Variants in ST18 observed in about 807,000 individuals in gnomAD.
The protein encoded by ST18 is suppression of tumorigenicity 18 protein.
ST18 carries 50 observed loss-of-function variants against 110.0 expected under a neutral mutation model. That is an observed-to-expected ratio of 0.45 (90% CI 0.36 to 0.58). ST18 has a LOEUF of 0.58. Ranked by LOEUF, ST18 falls within the 20% of genes least tolerant of loss-of-function variation. The probability of loss-of-function intolerance (pLI) is 0.00; values close to 1 mark genes in which losing one functional copy is unlikely to be tolerated. For missense variants in ST18, 1,306 were observed against 1,280.1 expected, an observed-to-expected ratio of 1.02 and a Z score of -0.31; for synonymous variants, 461 against 452.4, an observed-to-expected ratio of 1.02 and a Z score of -0.24.
In ST18 at chr8:52,192,035, A is replaced by C. The variant is rs149339301; in HGVS notation, c.87-11723T>G. On this transcript the variant is annotated intron_variant, in intron 8 of 25. Transcript: ENST00000689386. ...ACAACCTGGCCAGGTGGAGTTGTCT[A>C]GTCTGTTTTCAAGCTTCCCAGGGCT... Among the ~76,000 whole-genome samples, 1,101 of 152,254 alleles carry C rather than the reference A, an allele frequency of 7.2e-3. 11 individuals are homozygous for C. The highest frequency in any genetic ancestry group is 0.024 in the Middle Eastern group (7 of 294).
rs764111808 is a variant in ST18 at position 52,118,334 on chromosome 8, T to A, written c.2859+4A>T. The A allele has an allele frequency of 1.9e-6, 3 of 1,580,900 alleles. No individual in the cohort carries two copies. In the South Asian group the frequency reaches 3.5e-5, roughly 18 times the overall value. ...AAGGATCATGAATTACTTCTTTTTT[T>A]TACCTGGGTCTGAAGTTTCATCATA... On this transcript the variant is annotated splice_donor_region_variant and intron_variant, in intron 24 of 25. Coordinates refer to ENST00000689386, the MANE Select transcript of ST18 (RefSeq NM_001352837.2).
chr8:52,127,512 T>C (rs2047536287), intron 22 of ST18, among the ~76,000 whole-genome samples: 1 of 152,214 alleles, frequency 6.6e-6, no homozygotes. Flanking sequence ...TTTGGTAAAC[T>C]GGATATTTAA....
At chr8:52,283,901 T>C (rs1474001491) in intron 2 of ST18, among the ~76,000 whole-genome samples, 1 of 152,210 alleles carries the variant, frequency 6.6e-6, no homozygotes, top group Non-Finnish European at 1.5e-5. Context: ...AGAAAATATA[T>C]GAAATAGTCT....
intron 2 of ST18, among the ~76,000 whole-genome samples, chr8:52,331,134 C>T (rs1461024499): frequency 6.6e-6 from 1 of 152,122 alleles, no homozygotes; most frequent in African/African-American, 2.4e-5. Context: ...CCTCCCTTAA[C>T]CTCTTGTTTG....
intron 2 of ST18, among the ~76,000 whole-genome samples, chr8:52,279,608 A>G (rs75436917): frequency 0.017 from 2,654 of 152,256 alleles, 68 homozygotes; most frequent in African/African-American, 0.061. Context: ...AATACAGAAT[A>G]CTTAATAAAG....
At chr8:52,210,985 T>A (rs1364959513) in intron 8 of ST18, among the ~76,000 whole-genome samples, 2 of 152,186 alleles carry the variant, frequency 1.3e-5, no homozygotes, top group African/African-American at 4.8e-5. Context: ...CCTTCATTTT[T>A]CAAACACTTC....
intron 10 of ST18, among the ~76,000 whole-genome samples, chr8:52,169,200 C>T (rs1483251884): frequency 6.6e-6 from 1 of 152,158 alleles, no homozygotes; most frequent in Non-Finnish European, 1.5e-5. Context: ...AACCTGTTTG[C>T]ATGATAAGAA....
rs969147612 is a variant in ST18, at chr8:52,254,668, G to A, written c.-464-24591C>T. Among the ~76,000 whole-genome samples the A allele has an allele frequency of 4.6e-5, 7 of 152,196 alleles. No homozygotes were observed. In the East Asian group the frequency reaches 5.8e-4, roughly 13 times the overall value. On this transcript the variant is annotated intron_variant, in intron 2 of 25. Coordinates refer to ENST00000689386, the MANE Select transcript of ST18 (RefSeq NM_001352837.2). The stretch of plus-strand genomic sequence containing the variant: ...GAGATTCAATGTCCCTGACTTTATC[G>A]CCACGGCAACAACAACCTAAAATAT...
intron 8 of ST18, among the ~76,000 whole-genome samples, chr8:52,203,720 G>A (rs207469165): frequency 4.6e-5 from 7 of 152,176 alleles, no homozygotes; most frequent in African/African-American, 1.7e-4. Context: ...GGACTGGGGA[G>A]AAAAGAGATA....
At chr8:52,200,831 A>C (rs933605260) in intron 8 of ST18, among the ~76,000 whole-genome samples, 1 of 152,226 alleles carries the variant, frequency 6.6e-6, no homozygotes, top group Non-Finnish European at 1.5e-5. Context: ...GTCCCCATTT[A>C]CTGACACGGG....
chr8:52,296,096 C>A (rs1028292506), intron 2 of ST18, among the ~76,000 whole-genome samples: 4 of 151,976 alleles, frequency 2.6e-5, no homozygotes, highest in Non-Finnish European at 2.9e-5. Flanking sequence ...AGCTGCTTGG[C>A]GTCATTTTGT....
At chr8:52,181,385 T>A (rs2069473410) in intron 8 of ST18, among the ~76,000 whole-genome samples, 1 of 152,196 alleles carries the variant, frequency 6.6e-6, no homozygotes, top group South Asian at 2.1e-4. Flanking sequence ...TGAAAATGAT[T>A]CGGTTATAGT....
intron 8 of ST18, among the ~76,000 whole-genome samples, chr8:52,190,160 T>G (rs562048976): frequency 6.6e-6 from 1 of 152,186 alleles, no homozygotes; most frequent in Non-Finnish European, 1.5e-5. Flanking sequence ...ATGCACAAAA[T>G]TTTAAAAAAT....
chr8:52,155,498 G>A (rs1563736280), intron 15 of ST18, among the ~76,000 whole-genome samples: 2 of 152,302 alleles, frequency 1.3e-5, no homozygotes, highest in East Asian at 3.9e-4. Flanking sequence ...CCTTCAGGCT[G>A]GGGTGTGATG....
intron 2 of ST18, among the ~76,000 whole-genome samples, chr8:52,408,159 A>G (rs1346747800): frequency 6.6e-6 from 1 of 152,216 alleles, no homozygotes; most frequent in African/African-American, 2.4e-5. Context: ...TTAATGTAGG[A>G]CTATGAATAA....
chr8:52,307,198 T>C (rs978053457), intron 2 of ST18, among the ~76,000 whole-genome samples: 1 of 151,974 alleles, frequency 6.6e-6, no homozygotes, highest in African/African-American at 2.4e-5. Flanking sequence ...GAAGAAAATA[T>C]ACCAGAGGCA....
intron 3 of ST18, 124 bp from the exon 4 acceptor site, chr8:52,221,917 A>T (rs1049628277): frequency 6.6e-6 from 1 of 152,084 alleles, no homozygotes; most frequent in Non-Finnish European, 1.5e-5. Context: ...ACTAAAAAAA[A>T]AAAAACGGCT....
chr8:52,342,117 A>G (rs1246931500), intron 2 of ST18, among the ~76,000 whole-genome samples: 4 of 152,212 alleles, frequency 2.6e-5, no homozygotes, highest in African/African-American at 9.7e-5. Flanking sequence ...AAAACAAATG[A>G]TAAATATGTG....
At chr8:52,170,931 G>C (rs992190342) in intron 10 of ST18, among the ~76,000 whole-genome samples, 27 of 152,168 alleles carry the variant, frequency 1.8e-4, no homozygotes, top group Non-Finnish European at 3.1e-4. Flanking sequence ...ATTCTTGTAA[G>C]CTCCTTGGGT....
Sources: allele counts gnomAD v4.1 joint callset (sites outside exome capture counted in the v4.1 genomes callset), GRCh38; gene constraint gnomAD v4.1.1; transcripts MANE v1.5; gene names NCBI Gene and HGNC (gene_info 2026-07-23, HGNC 2026-07-21).